The following SPAG17 variants were observed in gnomAD, a reference collection of about 807,000 sequenced individuals.
The protein encoded by SPAG17 is sperm associated antigen 17, also known as sperm-associated antigen 17.
A neutral mutation model predicts 273.6 loss-of-function variants in SPAG17; 169 were observed. The ratio of observed to expected loss-of-function variants is 0.62; its 90% confidence interval spans 0.55 to 0.70. SPAG17 has a LOEUF of 0.70. Among genes scored for constraint, SPAG17 ranks in the 30% least tolerant of loss-of-function variants. The pLI, the probability that SPAG17 is intolerant of heterozygous loss-of-function variation, is 0.00. For synonymous variants in SPAG17, 825 were observed against 873.2 expected (o/e 0.94, Z 0.97); for missense variants, 2,557 against 2,627.8 (o/e 0.97, Z 0.59).
chr1:118,014,758 T>G (rs1259775683), intron 29 of SPAG17, among the ~76,000 whole-genome samples: 1 of 152,196 alleles, frequency 6.6e-6, no homozygotes. Context: ...TTTGTTTAGA[T>G]TCAGAGGGTG....
chr1:118,007,968 C>T, intron 31 of SPAG17, 76 bp downstream of exon 31: 1 of 1,559,968 alleles, frequency 6.4e-7, no homozygotes, highest in Non-Finnish European at 8.8e-7. Context: ...GGCATTTTTA[C>T]TGCCCCAGAG....
intron 4 of SPAG17, among the ~76,000 whole-genome samples, chr1:118,103,194 C>T (rs888407899): frequency 9.2e-5 from 14 of 152,172 alleles, no homozygotes; most frequent in Non-Finnish European, 1.5e-4. Flanking sequence ...AAGTGGAGGT[C>T]CAGGGAAACC....
At chr1:118,063,379 A>G (rs1652566251) in intron 18 of SPAG17, among the ~76,000 whole-genome samples, 1 of 152,238 alleles carries the variant, frequency 6.6e-6, no homozygotes, top group African/African-American at 2.4e-5. Flanking sequence ...ACTGGTACCA[A>G]AACAGAGATA....
chr1:117,996,801 C>T (rs1657712604), intron 32 of SPAG17, 58 bp from the exon 33 acceptor site: 1 of 1,486,482 alleles, frequency 6.7e-7, no homozygotes, highest in Non-Finnish European at 9.0e-7. Context: ...GCTTAAACTT[C>T]TGCTGATTCA....
At chr1:117,995,826 TCTTA>T (rs1657591694) in intron 34 of SPAG17, among the ~76,000 whole-genome samples, 1 of 152,006 alleles carries the variant, frequency 6.6e-6, no homozygotes, top group African/African-American at 2.4e-5. Context: ...ACTGGATGGT[TCTTA>T]CTTAATGTTT....
At chr1:118,084,811 T>C (rs1257543610) in intron 13 of SPAG17, among the ~76,000 whole-genome samples, 1 of 148,234 alleles carries the variant, frequency 6.7e-6, no homozygotes, top group Admixed American at 6.6e-5. Context: ...GAATGTTTTC[T>C]TTTTTTTTCC....
intron 28 of SPAG17, among the ~76,000 whole-genome samples, chr1:118,020,173 C>T (rs941963837): frequency 1.3e-5 from 2 of 152,194 alleles, no homozygotes; most frequent in Non-Finnish European, 2.9e-5. Context: ...GCTTCCAGCA[C>T]TCTGGGGGGC....
chr1:118,184,996 G>C (rs556262217), intron 1 of SPAG17, 75 bp downstream of exon 1: 1 of 1,262,252 alleles, frequency 7.9e-7, no homozygotes, highest in South Asian at 1.2e-5. Flanking sequence ...GAGCCTTAAG[G>C]CGTCGCCTAG....
intron 8 of SPAG17, 127 bp from the exon 9 acceptor site, chr1:118,092,129 A>T: frequency 1.3e-6 from 1 of 760,186 alleles, no homozygotes. Context: ...CCACAAAATC[A>T]TCTGCTAATA....
At chr1:117,977,816 G>T (rs1309131983) in intron 43 of SPAG17, among the ~76,000 whole-genome samples, 1 of 152,140 alleles carries the variant, frequency 6.6e-6, no homozygotes, top group East Asian at 1.9e-4. Flanking sequence ...TTCTCCAAGT[G>T]GTTGTCATTT....
chr1:118,163,233 A>G (rs542020014), intron 1 of SPAG17, among the ~76,000 whole-genome samples: 159 of 152,356 alleles, frequency 1.0e-3, no homozygotes, highest in Non-Finnish European at 1.7e-3. Context: ...AGTAGAGGAA[A>G]CAGATATAGA....
intron 1 of SPAG17, among the ~76,000 whole-genome samples, chr1:118,160,670 C>G (rs1659868108): frequency 6.6e-6 from 1 of 152,254 alleles, no homozygotes; most frequent in Admixed American, 6.5e-5. Flanking sequence ...TACACTAACT[C>G]TATCTTATTC....
intron 3 of SPAG17, among the ~76,000 whole-genome samples, chr1:118,132,101 G>T (rs923291531): frequency 2.0e-4 from 31 of 152,346 alleles, no homozygotes; most frequent in African/African-American, 7.0e-4. Flanking sequence ...AGCAGTGGAG[G>T]TAAGCGAGGG....
chr1:118,115,151 C>G (rs1477084268), intron 4 of SPAG17, among the ~76,000 whole-genome samples, 159 bp downstream of exon 4: 1 of 152,134 alleles, frequency 6.6e-6, no homozygotes, highest in East Asian at 1.9e-4. Context: ...TCCTCCAGAT[C>G]TTTGGACAGC....
chr1:117,997,183 T>C (rs1557884107), intron 32 of SPAG17, among the ~76,000 whole-genome samples: 1 of 152,036 alleles, frequency 6.6e-6, no homozygotes, highest in African/African-American at 2.4e-5. Context: ...CATTGGGAAA[T>C]AGATTTAGTA....
chr1:118,075,572 T>TA (rs1654010300), intron 15 of SPAG17, among the ~76,000 whole-genome samples: 1 of 152,226 alleles, frequency 6.6e-6, no homozygotes, highest in South Asian at 2.1e-4. Context: ...ATCACAGAAA[T>TA]AGAGTATGTG....
At chr1:118,034,751 T>C (rs986165774) in intron 24 of SPAG17, among the ~76,000 whole-genome samples, 1 of 152,020 alleles carries the variant, frequency 6.6e-6, no homozygotes, top group South Asian at 2.1e-4. Context: ...TATGGGAAAA[T>C]AGATGGGGTT....
chr1:118,108,556 G>C (rs1014903959), intron 4 of SPAG17, among the ~76,000 whole-genome samples: 1 of 152,048 alleles, frequency 6.6e-6, no homozygotes, highest in African/African-American at 2.4e-5. Flanking sequence ...AAGGTCATTA[G>C]CTCACAACTT....
chr1:118,101,670 A>G (rs1402757062), intron 5 of SPAG17, 70 bp downstream of exon 5: 16 of 1,459,314 alleles, frequency 1.1e-5, no homozygotes, highest in Non-Finnish European at 1.2e-5. Context: ...TCACCAAATT[A>G]ACTGGTCTCA....
Sources: gnomAD v4.1 joint callset for allele counts (sites outside exome capture counted in the v4.1 genomes callset) on GRCh38, gnomAD v4.1.1 for gene constraint, MANE v1.5 for transcripts, NCBI Gene and HGNC (gene_info 2026-07-23, HGNC 2026-07-21) for gene names.